EML6: variants seen among roughly 807,000 people sequenced by gnomAD.
EML6 encodes EMAP like 6.
EML6 carries 154 observed loss-of-function variants against 240.1 expected under a neutral mutation model. The observed-to-expected ratio is 0.64, with a 90% CI of 0.56 to 0.73. The LOEUF is 0.73. EML6 is among the 30% of genes least tolerant of loss of function. EML6 has a pLI of 0.00. For synonymous variants in EML6, 1,148 were observed against 899.0 expected (o/e 1.28, Z -4.95); for missense variants, 2,964 against 2,474.6 (o/e 1.20, Z -4.20).
intron 33 of EML6, among the ~76,000 whole-genome samples, chr2:54,958,409 C>G (rs1036762527): frequency 1.3e-4 from 20 of 152,124 alleles, no homozygotes; most frequent in African/African-American, 4.6e-4. Context: ...CCAGGCTGGT[C>G]TTGAACTCCT....
chr2:54,887,999 C>T (rs914016472), intron 17 of EML6, among the ~76,000 whole-genome samples: 1 of 152,214 alleles, frequency 6.6e-6, no homozygotes, highest in Non-Finnish European at 1.5e-5. Flanking sequence ...TATATTGACA[C>T]ATATTTTTCA....
chr2:54,967,338 GT>G, intron 39 of EML6: 1 of 298,324 alleles, frequency 3.4e-6, no homozygotes, highest in Non-Finnish European at 6.4e-6. Flanking sequence ...TCTTCTACAA[GT>G]CTCCAACCCC....
At chr2:54,819,453 A>G (rs774227290) in intron 4 of EML6, among the ~76,000 whole-genome samples, 10 of 152,238 alleles carry the variant, frequency 6.6e-5, no homozygotes, top group Non-Finnish European at 1.3e-4. Context: ...AAATAGAACT[A>G]CGTGCAAACT....
chr2:54,963,830 C>T (rs1294264776), intron 36 of EML6, among the ~76,000 whole-genome samples, 156 bp from the exon 37 acceptor site: 1 of 152,244 alleles, frequency 6.6e-6, no homozygotes, highest in Non-Finnish European at 1.5e-5. Flanking sequence ...CAGCTCTGCT[C>T]AGTTATTCAG....
intron 2 of EML6, among the ~76,000 whole-genome samples, chr2:54,764,246 T>C (rs1668092202): frequency 6.6e-6 from 1 of 152,186 alleles, no homozygotes; most frequent in Non-Finnish European, 1.5e-5. Context: ...AATTTCCTAA[T>C]ACAAAACAAA....
chr2:54,837,173 A>G (rs1172483976), intron 7 of EML6, among the ~76,000 whole-genome samples: 1 of 152,202 alleles, frequency 6.6e-6, no homozygotes, highest in East Asian at 1.9e-4. Flanking sequence ...GGTTTACAGG[A>G]GACAGCCACA....
rs566188449 is a variant in EML6, at chr2:54,876,839, A to G, written c.2345-2708A>G. Among the ~76,000 whole-genome samples the G allele has an allele frequency of 1.2e-4, 18 of 152,300 alleles. No individual in the cohort carries two copies. In the South Asian group the frequency reaches 3.5e-3, roughly 30 times the overall value. ...AAACATTTATCATTTCTTTGTGGTG[A>G]TAACATTCAAGATCTTCTTTTCTAG... On this transcript the variant is annotated intron_variant, in intron 16 of 41. Coordinates refer to ENST00000356458, the MANE Select transcript of EML6 (RefSeq NM_001039753.4).
chr2:54,891,039 A>C lies in EML6; in HGVS notation c.2439-15A>C, dbSNP rs1211169050. 7.9e-7 allele frequency: 1 copy of C among 1,260,422 alleles called. No homozygotes were observed. The highest frequency in any genetic ancestry group is 1.1e-6 in the Non-Finnish European group (1 of 910,548). 78.1% of individuals were successfully genotyped at this position (1,260,422 alleles called of 1,614,324 possible). A position where few individuals can be genotyped will look rare whatever the true frequency, so the allele number is the denominator to read the frequency against. On this transcript the variant is annotated splice_polypyrimidine_tract_variant and intron_variant, in intron 17 of 41. Coordinates refer to ENST00000356458, the MANE Select transcript of EML6 (RefSeq NM_001039753.4). ...CATCCAAACTAGAATCTTATTTCCT[A>C]TTTGTCTCTTACAGAGGACATAAAG...
intron 2 of EML6, among the ~76,000 whole-genome samples, chr2:54,777,082 C>G (rs1668635427): frequency 6.6e-6 from 1 of 152,232 alleles, no homozygotes; most frequent in Non-Finnish European, 1.5e-5. Context: ...CCAGCTGCAG[C>G]TTTGCTGTCC....
intron 2 of EML6, among the ~76,000 whole-genome samples, chr2:54,736,081 A>C (rs576384122): frequency 1.3e-5 from 2 of 152,204 alleles, no homozygotes; most frequent in Non-Finnish European, 2.9e-5. Flanking sequence ...AAGTAGCTCA[A>C]TGTTACCAGA....
intron 2 of EML6, among the ~76,000 whole-genome samples, chr2:54,790,901 A>C (rs1217631528): frequency 4.0e-5 from 6 of 150,694 alleles, no homozygotes; most frequent in Admixed American, 4.0e-4. Flanking sequence ...AATTTTTTGT[A>C]TTTTTAGTAG....
At chr2:54,914,799 A>G (rs1324361034) in intron 25 of EML6, among the ~76,000 whole-genome samples, 1 of 152,020 alleles carries the variant, frequency 6.6e-6, no homozygotes. Context: ...TTTTTTTTTA[A>G]GAAACAATCA....
At chr2:54,834,129 C>A (rs1284669577) in intron 7 of EML6, among the ~76,000 whole-genome samples, 1 of 152,054 alleles carries the variant, frequency 6.6e-6, no homozygotes, top group African/African-American at 2.4e-5. Context: ...CTGGGAGACA[C>A]CCTGGATGTA....
intron 22 of EML6, 120 bp downstream of exon 22, chr2:54,899,902 C>A: frequency 1.0e-6 from 1 of 989,580 alleles, no homozygotes. Flanking sequence ...ATATGCTGGG[C>A]AATGAGAATT....
intron 2 of EML6, among the ~76,000 whole-genome samples, chr2:54,727,872 A>G (rs1168552877): frequency 6.6e-6 from 1 of 152,192 alleles, no homozygotes; most frequent in Non-Finnish European, 1.5e-5. Flanking sequence ...AACACACTCC[A>G]TTTTATAAAA....
At position 54,820,474 on chromosome 2, in the gene EML6, T is replaced by C. The variant is rs755671380; in HGVS notation, c.525+12T>C. ...TAAAACACATAAAGGTAAAGCTTTT[T>C]GTTTTTTAATTTTGGTACCTTGAGT... On this transcript the variant is annotated intron_variant, in intron 5 of 41. Coordinates refer to ENST00000356458, the MANE Select transcript of EML6 (RefSeq NM_001039753.4). 6.6e-7 allele frequency: 1 copy of C among 1,518,738 alleles called. No individual in the cohort carries two copies. Among genetic ancestry groups the C allele is most frequent in the Non-Finnish European group, 8.9e-7 (1 of 1,122,412 alleles). The allele number at this position is 1,518,738 out of a possible 1,614,324, so 94.1% of individuals were successfully genotyped here. A position where few individuals can be genotyped will look rare whatever the true frequency, so the allele number is the denominator to read the frequency against.
intron 19 of EML6, among the ~76,000 whole-genome samples, chr2:54,893,616 A>C (rs1310116606): frequency 6.6e-6 from 1 of 152,128 alleles, no homozygotes; most frequent in Non-Finnish European, 1.5e-5. Flanking sequence ...CACTTTATTC[A>C]ATCAACTTGC....
chr2:54,917,447 T>C (rs549098844), intron 26 of EML6, among the ~76,000 whole-genome samples: 4 of 149,184 alleles, frequency 2.7e-5, no homozygotes, highest in African/African-American at 9.8e-5. Context: ...TGACCGCAAC[T>C]TCTGCCTCCC....
chr2:54,790,091 A>C (rs538361541), intron 2 of EML6, among the ~76,000 whole-genome samples: 10 of 152,372 alleles, frequency 6.6e-5, no homozygotes, highest in Admixed American at 2.0e-4. Flanking sequence ...ATTTGTTCAA[A>C]GAATGTCTTC....
Sources: gnomAD v4.1 joint callset for allele counts (sites outside exome capture counted in the v4.1 genomes callset) on GRCh38, gnomAD v4.1.1 for gene constraint, MANE v1.5 for transcripts, NCBI Gene and HGNC (gene_info 2026-07-23, HGNC 2026-07-21) for gene names.